The following RBFOX1 variants were observed in gnomAD, a reference collection of about 807,000 sequenced individuals.
The protein encoded by RBFOX1 is RNA binding fox-1 homolog 1.
In RBFOX1, 8 loss-of-function variants were observed where a neutral mutation model predicts 57.7. The observed-to-expected ratio is 0.14, with a 90% CI of 0.08 to 0.25. RBFOX1 has a LOEUF of 0.25. Among genes scored for constraint, RBFOX1 ranks in the 10% least tolerant of loss-of-function variants. The probability of loss-of-function intolerance (pLI) is 1.00; values close to 1 mark genes in which losing one functional copy is unlikely to be tolerated. For synonymous variants in RBFOX1, 326 were observed against 222.4 expected (o/e 1.47, Z -4.15); for missense variants, 611 against 548.5 (o/e 1.11, Z -1.14).
intron 3 of RBFOX1, among the ~76,000 whole-genome samples, chr16:6,888,511 C>T (rs780887863): frequency 3.9e-5 from 6 of 152,142 alleles, no homozygotes; most frequent in Non-Finnish European, 8.8e-5. Context: ...ATTGCACTCT[C>T]TGTCTACCGA....
intron 2 of RBFOX1, among the ~76,000 whole-genome samples, chr16:6,651,675 T>G (rs960889433): frequency 3.9e-5 from 6 of 152,122 alleles, no homozygotes; most frequent in African/African-American, 1.2e-4. Flanking sequence ...AAACATTGAA[T>G]TACCATAGGG....
chr16:7,013,178 A>C (rs915703267), intron 3 of RBFOX1, among the ~76,000 whole-genome samples: 1 of 152,174 alleles, frequency 6.6e-6, no homozygotes, highest in Admixed American at 6.5e-5. Flanking sequence ...TCTGATACTC[A>C]TTGGCTTTGT....
rs186815809 is a variant in RBFOX1 at position 7,057,117 on chromosome 16, C to G, written c.27+5019C>G. Among the ~76,000 whole-genome samples the G allele has an allele frequency of 7.2e-5, 11 of 152,090 alleles. No homozygotes were observed. The East Asian group carries it at 1.4e-3, about 19-fold the overall frequency. On this transcript the variant is annotated intron_variant, in intron 4 of 15. Transcript: ENST00000550418. ...TCCCAATAATTATTTCACTTCTCTTCCTCCTAGAAATACCAGGCATGAGAA... is the reference window on the plus strand; with the variant it reads ...TCCCAATAATTATTTCACTTCTCTTGCTCCTAGAAATACCAGGCATGAGAA...
chr16:5,431,885 G>A (rs747994513), intron 1 of RBFOX1, among the ~76,000 whole-genome samples: 1 of 152,086 alleles, frequency 6.6e-6, no homozygotes, highest in Non-Finnish European at 1.5e-5. Flanking sequence ...TCACGGAGCG[G>A]TACCTTCCCT....
chr16:7,489,165 T>C (rs916894528), intron 4 of RBFOX1, among the ~76,000 whole-genome samples: 5 of 152,222 alleles, frequency 3.3e-5, no homozygotes, highest in Admixed American at 6.5e-5. Context: ...TGTTTCACTG[T>C]TTGTCCTTTT....
intron 4 of RBFOX1, among the ~76,000 whole-genome samples, chr16:7,346,652 C>A (rs966579773): frequency 6.6e-6 from 1 of 151,894 alleles, no homozygotes; most frequent in African/African-American, 2.4e-5. Context: ...TTCGTTCAAG[C>A]CTTTGTGTTC....
At chr16:7,709,942 A>G (rs1473135004) in intron 15 of RBFOX1, 2 of 1,022,730 alleles carry the variant, frequency 2.0e-6, no homozygotes, top group African/African-American at 1.7e-5. Flanking sequence ...TACCCTAAAA[A>G]TGAATCCCCA....
At chr16:6,803,910 C>T (rs1033915109) in intron 3 of RBFOX1, among the ~76,000 whole-genome samples, 1 of 152,106 alleles carries the variant, frequency 6.6e-6, no homozygotes, top group Non-Finnish European at 1.5e-5. Context: ...AAGCTTTTAC[C>T]ATTGTTGTAG....
chr16:5,253,517 C>G (rs1295695906), intron 1 of RBFOX1, among the ~76,000 whole-genome samples: 1 of 152,162 alleles, frequency 6.6e-6, no homozygotes, highest in Non-Finnish European at 1.5e-5. Flanking sequence ...CCTGGGTATA[C>G]TGAGCCTGAG....
At chr16:5,831,136 G>A (rs1440734869) in intron 3 of RBFOX1, among the ~76,000 whole-genome samples, 1 of 152,092 alleles carries the variant, frequency 6.6e-6, no homozygotes, top group Non-Finnish European at 1.5e-5. Flanking sequence ...TCTGCGTTCC[G>A]ACCACATCTC....
At chr16:6,767,961 A>AT (rs1567166012) in intron 3 of RBFOX1, among the ~76,000 whole-genome samples, 18 of 123,554 alleles carry the variant, frequency 1.5e-4, no homozygotes, top group African/African-American at 2.9e-4. Context: ...AAGAAGAAGA[A>AT]GAAGAAGAAG....
intron 1 of RBFOX1, among the ~76,000 whole-genome samples, chr16:6,223,014 T>A (rs2097386975): frequency 6.6e-6 from 1 of 150,432 alleles, no homozygotes; most frequent in Non-Finnish European, 1.5e-5. Context: ...TCCATGTCCC[T>A]ACAAAGGACA....
At chr16:5,271,885 C>G (rs1438551966) in intron 1 of RBFOX1, among the ~76,000 whole-genome samples, 1 of 152,200 alleles carries the variant, frequency 6.6e-6, no homozygotes, top group East Asian at 1.9e-4. Flanking sequence ...TCACTTAACA[C>G]AGTGTCTTTC....
At chr16:7,622,786 A>G (rs1023474555) in intron 10 of RBFOX1, among the ~76,000 whole-genome samples, 2 of 152,164 alleles carry the variant, frequency 1.3e-5, no homozygotes, top group Non-Finnish European at 2.9e-5. Context: ...ACAGAGCAAC[A>G]TTTTTTCTGC....
At chr16:7,322,011 T>G (rs1457810328) in intron 4 of RBFOX1, among the ~76,000 whole-genome samples, 1 of 152,222 alleles carries the variant, frequency 6.6e-6, no homozygotes, top group Non-Finnish European at 1.5e-5. Context: ...TCTGCAAAAC[T>G]AGGCTGTATA....
intron 3 of RBFOX1, among the ~76,000 whole-genome samples, chr16:6,740,198 A>G (rs2071627773): frequency 6.6e-6 from 1 of 152,194 alleles, no homozygotes; most frequent in African/African-American, 2.4e-5. Flanking sequence ...GCAGGAAAAC[A>G]TTTGACAAAA....
rs2083926498 is a variant in RBFOX1, at chr16:7,711,012, G to C, written c.*267G>C. 2 of 332,214 alleles carry C rather than the reference G, an allele frequency of 6.0e-6. No homozygotes were observed. Among genetic ancestry groups the C allele is most frequent in the Non-Finnish European group, 1.1e-5 (2 of 188,822 alleles). 20.6% of individuals were successfully genotyped at this position (332,214 alleles called of 1,614,324 possible). On this transcript the variant is annotated 3_prime_UTR_variant, in exon 16 of 16. Transcript: ENST00000550418. ...TTGTGGTTGATCTAGACAGATGCTA[G>C]ATAATGAATAAAAACTGGTTTAGGG...
intron 1 of RBFOX1, among the ~76,000 whole-genome samples, chr16:5,266,926 A>C (rs1008050578): frequency 6.6e-6 from 1 of 152,080 alleles, no homozygotes; most frequent in African/African-American, 2.4e-5. Flanking sequence ...TTAAGTAATA[A>C]TTCAATAAAG....
In RBFOX1 at chr16:6,344,407, C is replaced by CTTTTTTTTTTTTTT. The variant is rs60637926; in HGVS notation, c.-64+27362_-64+27363insTTTTTTTTTTTTTT. Among the ~76,000 whole-genome samples the CTTTTTTTTTTTTTT allele has an allele frequency of 2.6e-3, 281 of 109,828 alleles. 27 individuals are homozygous for CTTTTTTTTTTTTTT. The highest frequency in any genetic ancestry group is 9.7e-3 in the African/African-American group (223 of 22,982). The allele number at this position is 109,828 out of a possible 152,430, so 72.1% of individuals were successfully genotyped here. A position where few individuals can be genotyped will look rare whatever the true frequency, so the allele number is the denominator to read the frequency against. The stretch of plus-strand genomic sequence containing the variant: ...TCTCTTCTTCTTTTTTCTTTTTTTT[C>CTTTTTTTTTTTTTT]TTTTTTTTTTTTGAGACAGAGTCTC... On this transcript the variant is annotated intron_variant, in intron 2 of 15. Coordinates refer to ENST00000550418, the MANE Select transcript of RBFOX1 (RefSeq NM_018723.4).
Sources: allele counts gnomAD v4.1 joint callset (sites outside exome capture counted in the v4.1 genomes callset), GRCh38; gene constraint gnomAD v4.1.1; transcripts MANE v1.5; gene names NCBI Gene and HGNC (gene_info 2026-07-23, HGNC 2026-07-21).